Variants in GABRB3 observed in about 807,000 individuals in gnomAD.
GABRB3 encodes the protein gamma-aminobutyric acid type A receptor subunit beta3, also known as gamma-aminobutyric acid receptor subunit beta-3.
In GABRB3, 14 loss-of-function variants were observed where a neutral mutation model predicts 52.1. The observed-to-expected ratio is 0.27, with a 90% CI of 0.18 to 0.42. The LOEUF (loss-of-function observed/expected upper bound fraction) is 0.42. Among genes scored for constraint, GABRB3 ranks in the 10% least tolerant of loss-of-function variants. GABRB3 has a pLI of 1.00. For synonymous variants in GABRB3, 260 were observed against 232.3 expected, an observed-to-expected ratio of 1.12 and a Z score of -1.08; for missense variants, 307 against 609.1, an observed-to-expected ratio of 0.50 and a Z score of 5.22.
intron 3 of GABRB3, among the ~76,000 whole-genome samples, chr15:26,679,947 G>A (rs927681116): frequency 3.9e-5 from 6 of 152,180 alleles, no homozygotes; most frequent in African/African-American, 1.4e-4. Flanking sequence ...TCATAATCTG[G>A]TGTGGTAGTT....
intron 6 of GABRB3, among the ~76,000 whole-genome samples, chr15:26,579,076 T>A (rs1595455478): frequency 6.6e-6 from 1 of 152,216 alleles, no homozygotes; most frequent in Non-Finnish European, 1.5e-5. Flanking sequence ...TCATGTACTT[T>A]GGCTCTTAGG....
chr15:26,741,045 A>AGTGTGTGTGTGT lies in GABRB3; in HGVS notation c.240+31345_240+31356dup, dbSNP rs55860555. On this transcript the variant is annotated intron_variant, in intron 3 of 8. Coordinates refer to ENST00000311550, the MANE Select transcript of GABRB3 (RefSeq NM_000814.6). ...TGGCAGGATGGGCGAGGGAGGAATA[A>AGTGTGTGTGTGT]GTGTGTGTGTGTGTGTGTGTGTGTG... is the stretch of plus-strand genomic sequence containing the variant. 8.6e-3 allele frequency among the ~76,000 whole-genome samples: 476 copies of AGTGTGTGTGTGT among 55,290 alleles called. 4 individuals carry two copies. The highest frequency in any genetic ancestry group is 0.013 in the African/African-American group (328 of 26,168). 36.3% of individuals were successfully genotyped at this position (55,290 alleles called of 152,430 possible). A position where few individuals can be genotyped will look rare whatever the true frequency, so the allele number is the denominator to read the frequency against.
rs553397252 is a variant in GABRB3 at position 26,718,214 on chromosome 15, A to T, written c.240+54188T>A. Among the ~76,000 whole-genome samples, 880 of 151,534 alleles carry T rather than the reference A, an allele frequency of 5.8e-3. 2 individuals are homozygous for T. Among genetic ancestry groups the T allele is most frequent in the Admixed American group, 8.4e-3 (127 of 15,202 alleles). ...TAGCTTATTTCTTATTTATTTATTT[A>T]TTTATTTTTTTGGGACGGAGTTTTG... On this transcript the variant is annotated intron_variant, in intron 3 of 8. Coordinates refer to ENST00000311550, the MANE Select transcript of GABRB3 (RefSeq NM_000814.6).
At chr15:26,701,419 CAAA>C (rs1321096811) in intron 3 of GABRB3, among the ~76,000 whole-genome samples, 1 of 152,020 alleles carries the variant, frequency 6.6e-6, no homozygotes, top group East Asian at 1.9e-4. Flanking sequence ...AGTCAATGCA[CAAA>C]AACAATTTTA....
chr15:26,659,105 G>C (rs938342488), intron 3 of GABRB3, among the ~76,000 whole-genome samples: 1 of 152,230 alleles, frequency 6.6e-6, no homozygotes, highest in Non-Finnish European at 1.5e-5. Context: ...GATGGCTCAG[G>C]AAGGGGCCTG....
In GABRB3 at chr15:26,545,412, G is replaced by T. The variant is rs1889197535; in HGVS notation, c.*2381C>A. On this transcript the variant is annotated 3_prime_UTR_variant, in exon 9 of 9. Coordinates refer to ENST00000311550, the MANE Select transcript of GABRB3 (RefSeq NM_000814.6). ...CTCTTTGGAGCCCCATGGGGTCTCT[G>T]CCTTTGATATTTGGGTACCTCAACT... is the stretch of plus-strand genomic sequence containing the variant. 1 of 152,536 alleles carries T rather than the reference G, an allele frequency of 6.6e-6. No homozygotes were observed. Among genetic ancestry groups the T allele is most frequent in the Admixed American group, 6.5e-5 (1 of 15,270 alleles). The allele number at this position is 152,536 out of a possible 1,614,324, so 9.4% of individuals were successfully genotyped here.
Position 26,731,065 on chromosome 15 carries a change from TCTCG to T in GABRB3, c.240+41333_240+41336del, listed in dbSNP as rs745633522. ...TAATGATGCAGGCTCTCTCACTCGC[TCTCG>T]CTCTCTCTCTCTCTCTCTATTAATA... On this transcript the variant is annotated intron_variant, in intron 3 of 8. Transcript: ENST00000311550. Among the ~76,000 whole-genome samples, 353 of 83,172 alleles carry T rather than the reference TCTCG, an allele frequency of 4.2e-3. 2 individuals are homozygous for T. The highest frequency in any genetic ancestry group is 0.023 in the South Asian group (67 of 2,930). The allele number at this position is 83,172 out of a possible 152,430, so 54.6% of individuals were successfully genotyped here. A position where few individuals can be genotyped will look rare whatever the true frequency, so the allele number is the denominator to read the frequency against.
intron 3 of GABRB3, among the ~76,000 whole-genome samples, chr15:26,669,277 TCCAAA>T (rs1367937452): frequency 1.3e-5 from 2 of 152,174 alleles, no homozygotes; most frequent in East Asian, 3.9e-4. Context: ...GGGAAGTATC[TCCAAA>T]ATTTAGACAG....
intron 3 of GABRB3, among the ~76,000 whole-genome samples, chr15:26,761,165 C>T (rs1205646889): frequency 6.6e-5 from 10 of 152,244 alleles, no homozygotes; most frequent in African/African-American, 2.4e-4. Flanking sequence ...GAGGCCAAGG[C>T]AGGCGGATCA....
intron 3 of GABRB3, among the ~76,000 whole-genome samples, chr15:26,705,881 C>A (rs966427102): frequency 6.6e-6 from 1 of 151,920 alleles, no homozygotes; most frequent in African/African-American, 2.4e-5. Context: ...ACAATAGATA[C>A]CAGAAACTCC....
At chr15:26,649,194 G>A (rs1887113040) in intron 3 of GABRB3, among the ~76,000 whole-genome samples, 1 of 152,172 alleles carries the variant, frequency 6.6e-6, no homozygotes, top group Non-Finnish European at 1.5e-5. Context: ...TGATAGTCAT[G>A]AAGTGGGGAC....
At chr15:26,587,173 C>G (rs1446117828) in intron 4 of GABRB3, among the ~76,000 whole-genome samples, 3 of 152,138 alleles carry the variant, frequency 2.0e-5, no homozygotes, top group Non-Finnish European at 4.4e-5. Flanking sequence ...CCACGCAACT[C>G]CCTCTTCACA....
Position 26,764,375 on chromosome 15 carries a change from A to G in GABRB3, c.240+8027T>C, listed in dbSNP as rs74889123. ...AAAAACAAATTAGGACACTTAAAGAACTGTGATGTTCTCAGATCTTAATCT... is the reference window on the plus strand; with the variant it reads ...AAAAACAAATTAGGACACTTAAAGAGCTGTGATGTTCTCAGATCTTAATCT... On this transcript the variant is annotated intron_variant, in intron 3 of 8. Transcript: ENST00000311550. Among the ~76,000 whole-genome samples, 900 of 151,604 alleles carry G rather than the reference A, an allele frequency of 5.9e-3. 6 individuals carry two copies. Among genetic ancestry groups the G allele is most frequent in the African/African-American group, 0.021 (859 of 41,284 alleles).
intron 4 of GABRB3, among the ~76,000 whole-genome samples, chr15:26,608,831 C>T (rs1891940698): frequency 6.6e-6 from 1 of 151,918 alleles, no homozygotes; most frequent in Admixed American, 6.6e-5. Context: ...AATAGGGAAC[C>T]CTTGTACACT....
chr15:26,752,453 T>C (rs1890539009), intron 3 of GABRB3, among the ~76,000 whole-genome samples: 1 of 151,780 alleles, frequency 6.6e-6, no homozygotes, highest in Non-Finnish European at 1.5e-5. Flanking sequence ...TTAGTAGAGA[T>C]GGGGTTTCAC....
At chr15:26,585,051 T>A (rs1169377268) in intron 4 of GABRB3, among the ~76,000 whole-genome samples, 1 of 152,162 alleles carries the variant, frequency 6.6e-6, no homozygotes. Context: ...GAAAGCATCA[T>A]AGAGGGAGAG....
At chr15:26,642,929 G>T (rs553615080) in intron 3 of GABRB3, among the ~76,000 whole-genome samples, 1 of 151,986 alleles carries the variant, frequency 6.6e-6, no homozygotes, top group Non-Finnish European at 1.5e-5. Flanking sequence ...CACCGGTATT[G>T]CCAGTCTGTC....
At chr15:26,690,515 A>G (rs767034007) in intron 3 of GABRB3, among the ~76,000 whole-genome samples, 2 of 152,060 alleles carry the variant, frequency 1.3e-5, no homozygotes, top group African/African-American at 4.8e-5. Flanking sequence ...AAGTCAAATT[A>G]TCACTCAGCC....
rs1284447739 is a variant in GABRB3 at position 26,692,530 on chromosome 15, A to C, written c.241-70996T>G. ...GCCAAGACTGTAATCAACTCAAAAA[A>C]GCAAGTATTTTGACTCTAGCTTGGA... is the stretch of plus-strand genomic sequence containing the variant. On this transcript the variant is annotated intron_variant, in intron 3 of 8. Transcript: ENST00000311550. Among the ~76,000 whole-genome samples the C allele has an allele frequency of 2.6e-5, 4 of 152,220 alleles. No homozygotes were observed. The East Asian group carries it at 7.7e-4, about 29-fold the overall frequency.
Sources: allele counts gnomAD v4.1 joint callset (sites outside exome capture counted in the v4.1 genomes callset), GRCh38; gene constraint gnomAD v4.1.1; transcripts MANE v1.5; gene names NCBI Gene and HGNC (gene_info 2026-07-23, HGNC 2026-07-21).